FANCE: variants seen among roughly 807,000 people sequenced by gnomAD.
FANCE encodes Fanconi anemia group E protein.
Under a neutral mutation model 57.8 loss-of-function variants are expected in FANCE, and 42 were observed. That is an observed-to-expected ratio of 0.73 (90% CI 0.57 to 0.94). The LOEUF (loss-of-function observed/expected upper bound fraction) is 0.94. FANCE is among the 40% of genes least tolerant of loss of function. The pLI, the probability that FANCE is intolerant of heterozygous loss-of-function variation, is 0.00. For missense variants in FANCE, 608 were observed against 661.8 expected, an observed-to-expected ratio of 0.92 and a Z score of 0.89; for synonymous variants, 251 against 286.4, an observed-to-expected ratio of 0.88 and a Z score of 1.25.
At chr6:35,457,812 G>A (rs2150893762) in intron 3 of FANCE, 104 bp from the exon 4 acceptor site, 1 of 1,123,654 alleles carries the variant, frequency 8.9e-7, no homozygotes, top group Non-Finnish European at 1.4e-6. Context: ...CTCTGGTAGT[G>A]CCTTCCAGGA....
chr6:35,458,275 T>C (rs1561791469), intron 4 of FANCE, 22 bp from the exon 5 acceptor site: 5 of 1,612,332 alleles, frequency 3.1e-6, no homozygotes, highest in Admixed American at 1.7e-5. Context: ...GTGTCCTCTC[T>C]CCCCCCGCAC....
chr6:35,466,599 C>G lies in FANCE; in HGVS notation c.*254C>G. 1 of 490,514 alleles carries G rather than the reference C, an allele frequency of 2.0e-6. No homozygotes were observed. The highest frequency in any genetic ancestry group is 2.1e-5 in the South Asian group (1 of 48,576). 30.4% of individuals were successfully genotyped at this position (490,514 alleles called of 1,614,324 possible). On this transcript the variant is annotated 3_prime_UTR_variant, in exon 10 of 10. Coordinates refer to ENST00000229769, the MANE Select transcript of FANCE (RefSeq NM_021922.3). ...TTTGTTTTTGAGAGAAGGTATTGCT[C>G]TGTCATCCAGGCTGGAGTGCAGTGA... is the stretch of plus-strand genomic sequence containing the variant.
chr6:35,461,064 G>A (rs1767569749), intron 8 of FANCE, among the ~76,000 whole-genome samples: 2 of 152,014 alleles, frequency 1.3e-5, no homozygotes, highest in Non-Finnish European at 2.9e-5. Flanking sequence ...GATTACAGGC[G>A]TGCGCCACCA....
intron 5 of FANCE, 67 bp downstream of exon 5, chr6:35,458,507 G>C: frequency 6.3e-7 from 1 of 1,585,114 alleles, no homozygotes; most frequent in Non-Finnish European, 8.6e-7. Flanking sequence ...CCCTCAGAAG[G>C]GTGGTACTTG....
intron 6 of FANCE, 34 bp from the exon 7 acceptor site, chr6:35,459,648 C>G (rs764097845): frequency 6.2e-7 from 1 of 1,608,896 alleles, no homozygotes; most frequent in South Asian, 1.1e-5. Flanking sequence ...TGCCATTTCC[C>G]CCCAGACTTC....
Position 35,455,810 on chromosome 6 carries a change from C to T in FANCE, c.312C>T (p.Ala104=), listed in dbSNP as rs575747751. 1.2e-5 allele frequency: 20 copies of T among 1,614,160 alleles called. No individual in the cohort carries two copies. The highest frequency in any genetic ancestry group is 8.9e-5 in the East Asian group (4 of 44,882). The part of the protein sequence containing the change: ...CQRNLMSLLM[A]VRPSLPESGL... The stretch of plus-strand genomic sequence containing the variant: ...GGAACCTGATGTCCCTGCTGATGGC[C>T]GTTCGGCCATCGCTGCCGGAAAGTG... The change falls in exon 2 of 10, where the codon GCC becomes GCT. Residue 104 remains alanine (A), a synonymous_variant. Transcript: ENST00000229769.
intron 9 of FANCE, among the ~76,000 whole-genome samples, chr6:35,466,012 A>T (rs558763033): frequency 2.0e-4 from 30 of 152,368 alleles, no homozygotes; most frequent in African/African-American, 7.2e-4. Flanking sequence ...TAGTAAACAC[A>T]CAATGATTGT....
chr6:35,462,802 C>T lies in FANCE; in HGVS notation c.1397C>T (p.Pro466Leu), dbSNP rs776014820. The T allele has an allele frequency of 1.9e-6, 3 of 1,614,168 alleles. No homozygotes were observed. The highest frequency in any genetic ancestry group is 2.2e-5 in the East Asian group (1 of 44,880). The change falls in exon 9 of 10, where the codon CCT (proline) becomes CTT (leucine). Residue 466 changes from proline (P) to leucine (L), a missense_variant. Transcript: ENST00000229769. ...CAATGTGTGCAGGTGGAGATGACCCCTGAGAAGTTCAGTGTCTTAATGGAG... is the reference window on the plus strand; with the variant it reads ...CAATGTGTGCAGGTGGAGATGACCCTTGAGAAGTTCAGTGTCTTAATGGAG... ...SLLERQVEMTPEKFSVLMEKL... is the reference protein window; with the variant it reads ...SLLERQVEMTLEKFSVLMEKL...
At position 35,459,672 on chromosome 6, in the gene FANCE, C is replaced by T. The variant is rs765940689; in HGVS notation, c.1238-10C>T. On this transcript the variant is annotated splice_polypyrimidine_tract_variant and intron_variant, in intron 6 of 9. Transcript: ENST00000229769. The stretch of plus-strand genomic sequence containing the variant: ...CCCCCAGACTTCCCCTTCTGCTGTC[C>T]TCTACCCAGGTCCTGCTCAAACAGA... 3.6e-5 allele frequency: 58 copies of T among 1,613,844 alleles called. No individual in the cohort carries two copies. In the South Asian group the frequency reaches 5.5e-4, roughly 15 times the overall value.
chr6:35,456,842 A>G lies in FANCE; in HGVS notation c.855+489A>G, dbSNP rs1036050240. 5.3e-5 allele frequency among the ~76,000 whole-genome samples: 8 copies of G among 152,108 alleles called. No individual in the cohort carries two copies. The highest frequency in any genetic ancestry group is 8.8e-5 in the Non-Finnish European group (6 of 68,014). On this transcript the variant is annotated intron_variant, in intron 2 of 9. Coordinates refer to ENST00000229769, the MANE Select transcript of FANCE (RefSeq NM_021922.3). The surrounding 1 kb of genome is among the most constrained non-coding windows in gnomAD (Gnocchi z 4.3). ...CACAGACTCTTAAGGAGGGGTAGGG[A>G]AGGGAGTTATTGGAGGTGGGAAATG...
chr6:35,453,139 A>G (rs952099530), intron 1 of FANCE, among the ~76,000 whole-genome samples: 1 of 152,238 alleles, frequency 6.6e-6, no homozygotes, highest in Non-Finnish European at 1.5e-5. Flanking sequence ...AAGTACAAAA[A>G]TAGATACTTA....
intron 5 of FANCE, among the ~76,000 whole-genome samples, chr6:35,458,660 G>C (rs891421509): frequency 2.7e-5 from 4 of 147,268 alleles, no homozygotes; most frequent in African/African-American, 1.1e-4. Flanking sequence ...TTTTTTGAGA[G>C]AGAGTGTCTC....
At chr6:35,462,997 C>T (rs992006889) in intron 9 of FANCE, 83 bp downstream of exon 9, 3 of 1,590,198 alleles carry the variant, frequency 1.9e-6, no homozygotes, top group Non-Finnish European at 2.6e-6. Flanking sequence ...ATATGTATGT[C>T]AGGGATAAAA....
At position 35,462,808 on chromosome 6, in the gene FANCE, A is replaced by G. The variant is rs1561794505; in HGVS notation, c.1403A>G (p.Lys468Arg). 1 of 1,614,150 alleles carries G rather than the reference A, an allele frequency of 6.2e-7. No homozygotes were observed. The change falls in exon 9 of 10, where the codon AAG (lysine) becomes AGG (arginine). Residue 468 changes from lysine to arginine, a missense_variant. Coordinates refer to ENST00000229769, the MANE Select transcript of FANCE (RefSeq NM_021922.3). ...LERQVEMTPE[K>R]FSVLMEKLCK... Reference sequence around the variant, plus strand: ...GTGCAGGTGGAGATGACCCCTGAGAAGTTCAGTGTCTTAATGGAGAAGCTC... The same window carrying G: ...GTGCAGGTGGAGATGACCCCTGAGAGGTTCAGTGTCTTAATGGAGAAGCTC...
Position 35,459,327 on chromosome 6 carries a change from G to C in FANCE, c.1114-4G>C, listed in dbSNP as rs368422520. The C allele has an allele frequency of 6.2e-7, 1 of 1,613,878 alleles. No homozygotes were observed. Among genetic ancestry groups the C allele is most frequent in the Non-Finnish European group, 8.5e-7 (1 of 1,180,022 alleles). ...ATTAATTTTTTCCTCCCTGTTGGCTGTAGATCCTCTCCTTGACTTCCTCAG... is the reference window on the plus strand; with the variant it reads ...ATTAATTTTTTCCTCCCTGTTGGCTCTAGATCCTCTCCTTGACTTCCTCAG... On this transcript the variant is annotated splice_polypyrimidine_tract_variant and splice_region_variant and intron_variant, in intron 5 of 9. Transcript: ENST00000229769.
chr6:35,456,081 C>A lies in FANCE; in HGVS notation c.583C>A (p.Gln195Lys), dbSNP rs773684523. The part of the protein sequence containing the change: ...DPEEEENRDS[Q>K]QPGKRRKDSE... ...TGAAGAAGAGGAGAACAGGGACTCC[C>A]AGCAGCCTGGGAAACGCAGAAAGGA... Residue 195 changes from glutamine to lysine, a missense_variant, in exon 2 of 10, where the codon CAG becomes AAG. Coordinates refer to ENST00000229769, the MANE Select transcript of FANCE (RefSeq NM_021922.3). This position sits in a 1 kb window ranked among gnomAD's most constrained non-coding sequence, Gnocchi z 4.3. 1 of 1,613,914 alleles carries A rather than the reference C, an allele frequency of 6.2e-7. No homozygotes were observed. Among genetic ancestry groups the A allele is most frequent in the Non-Finnish European group, 8.5e-7 (1 of 1,179,960 alleles).
At position 35,456,266 on chromosome 6, in the gene FANCE, C is replaced by T. The variant is rs754123540; in HGVS notation, c.768C>T (p.Val256=). 1 of 1,614,208 alleles carries T rather than the reference C, an allele frequency of 6.2e-7. No homozygotes were observed. The highest frequency in any genetic ancestry group is 2.2e-5 in the East Asian group (1 of 44,882). Residue 256 remains valine (V), a synonymous_variant, in exon 2 of 10, where the codon GTC becomes GTT. Transcript: ENST00000229769. This position sits in a 1 kb window ranked among gnomAD's most constrained non-coding sequence, Gnocchi z 4.3. ...GSASPIKDQP[V]MAVKTGEDGS... ...CATCTCCTATTAAGGACCAGCCTGT[C>T]ATGGCAGTTAAGACTGGCGAGGACG...
intron 9 of FANCE, among the ~76,000 whole-genome samples, chr6:35,464,890 G>A (rs139295061): frequency 4.7e-4 from 71 of 150,464 alleles, no homozygotes; most frequent in African/African-American, 1.7e-3. Context: ...CTGCCAGCAC[G>A]CATGGCTAAT....
Position 35,463,663 on chromosome 6 carries a change from C to CTTTT in FANCE, c.1509+762_1509+765dup, listed in dbSNP as rs756174501. Among the ~76,000 whole-genome samples the CTTTT allele has an allele frequency of 5.5e-3, 751 of 136,330 alleles. 16 individuals carry two copies. Among genetic ancestry groups the CTTTT allele is most frequent in the African/African-American group, 0.018 (648 of 35,982 alleles). The allele number at this position is 136,330 out of a possible 152,430, so 89.4% of individuals were successfully genotyped here. On this transcript the variant is annotated intron_variant, in intron 9 of 9. Transcript: ENST00000229769. ...TTGGGAATTGGGACGGGCTTCCTGA[C>CTTTT]TTTTTTTTTTTTTTTTGAGTCGGAG...
Sources: gnomAD v4.1 joint callset for allele counts (sites outside exome capture counted in the v4.1 genomes callset) on GRCh38, gnomAD v4.1.1 for gene constraint, Gnocchi (gnomAD v3.1) non-coding constraint, MANE v1.5 for transcripts, NCBI Gene and HGNC (gene_info 2026-07-23, HGNC 2026-07-21) for gene names.